The following SWT1 variants were observed in gnomAD, a reference collection of about 807,000 sequenced individuals.
The protein encoded by SWT1 is transcriptional protein SWT1.
Under a neutral mutation model 107.3 loss-of-function variants are expected in SWT1, and 33 were observed. The ratio of observed to expected loss-of-function variants is 0.31; its 90% CI spans 0.23 to 0.41. SWT1 has a LOEUF of 0.41. Ranked by LOEUF, SWT1 falls within the 10% of genes least tolerant of loss-of-function variation. SWT1 has a pLI of 1.00. For synonymous variants in SWT1, 345 were observed against 348.3 expected, an observed-to-expected ratio of 0.99 and a Z score of 0.11; for missense variants, 898 against 1,028.9, an observed-to-expected ratio of 0.87 and a Z score of 1.74.
chr1:185,210,241 C>A (rs1658679285), intron 13 of SWT1, among the ~76,000 whole-genome samples: 1 of 152,182 alleles, frequency 6.6e-6, no homozygotes. Flanking sequence ...TCCCATTTGT[C>A]AATTTTGGCT....
At chr1:185,236,880 C>T (rs915393046) in intron 16 of SWT1, among the ~76,000 whole-genome samples, 1 of 152,026 alleles carries the variant, frequency 6.6e-6, no homozygotes, top group African/African-American at 2.4e-5. Flanking sequence ...AAAAAACAAC[C>T]CCATCAAAAA....
intron 2 of SWT1, among the ~76,000 whole-genome samples, chr1:185,162,849 G>A (rs182131809): frequency 2.6e-5 from 4 of 151,788 alleles, no homozygotes; most frequent in Non-Finnish European, 4.4e-5. Flanking sequence ...TTAAAAATAG[G>A]CTCAGGCGGG....
chr1:185,211,662 T>C, intron 13 of SWT1, among the ~76,000 whole-genome samples: 1 of 152,206 alleles, frequency 6.6e-6, no homozygotes, highest in Admixed American at 6.5e-5. Flanking sequence ...TCCTCAGGGT[T>C]CTAGAACTAG....
chr1:185,243,534 A>G (rs778638287), intron 16 of SWT1, among the ~76,000 whole-genome samples: 3 of 152,200 alleles, frequency 2.0e-5, no homozygotes, highest in Non-Finnish European at 2.9e-5. Flanking sequence ...GTGTTTTCCA[A>G]TAGTAAGAAA....
At chr1:185,164,966 G>C (rs1042136017) in intron 2 of SWT1, among the ~76,000 whole-genome samples, 4 of 152,168 alleles carry the variant, frequency 2.6e-5, no homozygotes, top group African/African-American at 9.7e-5. Flanking sequence ...ACCTTCCTCA[G>C]TAAGTGTAAT....
At chr1:185,171,566 T>C (rs1423646623) in intron 4 of SWT1, 1 of 449,908 alleles carries the variant, frequency 2.2e-6, no homozygotes, top group African/African-American at 2.1e-5. Flanking sequence ...TTCTGCTCAC[T>C]TTGATCCTCT....
At chr1:185,269,124 T>G (rs1241701031) in intron 16 of SWT1, among the ~76,000 whole-genome samples, 1 of 152,230 alleles carries the variant, frequency 6.6e-6, no homozygotes, top group East Asian at 1.9e-4. Context: ...AGTGCTGGGA[T>G]AACAGGCGTG....
At chr1:185,226,975 TCTTACACATCTC>T in intron 15 of SWT1, 3 of 875,870 alleles carry the variant, frequency 3.4e-6, no homozygotes, top group Non-Finnish European at 5.7e-6. Flanking sequence ...GCATGAGCTT[TCTTACACATCTC>T]CTCCATCATG....
intron 10 of SWT1, among the ~76,000 whole-genome samples, chr1:185,191,879 G>A (rs565617057): frequency 5.3e-5 from 8 of 151,888 alleles, no homozygotes; most frequent in Non-Finnish European, 1.0e-4. Context: ...ATTTTTTAGC[G>A]ACTGAAAATT....
intron 16 of SWT1, among the ~76,000 whole-genome samples, chr1:185,243,387 G>A (rs1178603818): frequency 6.6e-6 from 1 of 152,138 alleles, no homozygotes; most frequent in Non-Finnish European, 1.5e-5. Context: ...TGGGATTACA[G>A]GTGTGAGCCA....
At chr1:185,167,205 A>G (rs1210825477) in intron 3 of SWT1, among the ~76,000 whole-genome samples, 1 of 152,218 alleles carries the variant, frequency 6.6e-6, no homozygotes, top group African/African-American at 2.4e-5. Context: ...TAGCCAAGGC[A>G]GATACATTGT....
intron 4 of SWT1, among the ~76,000 whole-genome samples, chr1:185,172,343 A>G (rs991941237): frequency 1.3e-5 from 2 of 152,176 alleles, no homozygotes; most frequent in Non-Finnish European, 2.9e-5. Context: ...ACAGATTTGT[A>G]TCCTGCTTGT....
chr1:185,229,129 G>A (rs1461495949), intron 15 of SWT1, among the ~76,000 whole-genome samples: 2 of 152,180 alleles, frequency 1.3e-5, no homozygotes, highest in Non-Finnish European at 2.9e-5. Context: ...TTGAGAGCAG[G>A]CTGTGAAGTG....
intron 18 of SWT1, chr1:185,280,824 G>C (rs1421538082): frequency 8.4e-6 from 3 of 356,658 alleles, no homozygotes; most frequent in Non-Finnish European, 1.7e-5. Flanking sequence ...GCCAGGACTT[G>C]AGGGTTGGGG....
intron 13 of SWT1, 21 bp from the exon 14 acceptor site, chr1:185,214,486 G>A: frequency 1.3e-6 from 2 of 1,579,732 alleles, no homozygotes; most frequent in Non-Finnish European, 8.6e-7. Context: ...ATATTTTTCT[G>A]TCTTAATTTT....
chr1:185,217,345 C>T (rs928952412), intron 14 of SWT1, among the ~76,000 whole-genome samples: 2 of 152,140 alleles, frequency 1.3e-5, no homozygotes, highest in African/African-American at 4.8e-5. Context: ...AGTTGCTCCC[C>T]ATCACTCACA....
At chr1:185,272,547 A>G (rs1207466981) in intron 17 of SWT1, among the ~76,000 whole-genome samples, 1 of 152,188 alleles carries the variant, frequency 6.6e-6, no homozygotes, top group Non-Finnish European at 1.5e-5. Flanking sequence ...ACAGACTCTG[A>G]AGTCAAACTA....
In SWT1 at chr1:185,281,124, A is replaced by G. The variant is rs562660117; in HGVS notation, c.2573+4456A>G. ...TTGTTTAAGAAGGTAAATAAATGCC[A>G]GAGAAAGAATATTTGGGTGGCACCA... is the stretch of plus-strand genomic sequence containing the variant. On this transcript the variant is annotated intron_variant, in intron 18 of 18. Transcript: ENST00000367500. The G allele has an allele frequency of 2.9e-4, 71 of 248,624 alleles. 1 individual carries two copies. The South Asian group carries it at 3.4e-3, about 12-fold the overall frequency. 15.4% of individuals were successfully genotyped at this position (248,624 alleles called of 1,614,324 possible). A position where few individuals can be genotyped will look rare whatever the true frequency, so the allele number is the denominator to read the frequency against.
intron 14 of SWT1, among the ~76,000 whole-genome samples, chr1:185,216,314 G>A (rs1029053798): frequency 6.6e-6 from 1 of 152,060 alleles, no homozygotes; most frequent in Non-Finnish European, 1.5e-5. Flanking sequence ...GGGATTTAGA[G>A]GGTTATAGCA....
Sources: gnomAD v4.1 joint callset for allele counts (sites outside exome capture counted in the v4.1 genomes callset) on GRCh38, gnomAD v4.1.1 for gene constraint, MANE v1.5 for transcripts, NCBI Gene and HGNC (gene_info 2026-07-23, HGNC 2026-07-21) for gene names.